PPP6R3: variants seen among roughly 807,000 people sequenced by gnomAD.
PPP6R3 encodes serine/threonine-protein phosphatase 6 regulatory subunit 3.
A neutral mutation model predicts 110.7 loss-of-function variants in PPP6R3; 38 were observed. That is an observed-to-expected ratio of 0.34 (90% CI 0.26 to 0.45). The LOEUF is 0.45. Among genes scored for constraint, PPP6R3 ranks in the 20% least tolerant of loss-of-function variants. The pLI is 1.00. For missense variants in PPP6R3, 870 were observed against 1,062.4 expected (o/e 0.82, Z 2.52); for synonymous variants, 369 against 373.5 (o/e 0.99, Z 0.14).
chr11:68,558,662 T>A lies in PPP6R3; in HGVS notation c.828T>A (p.Leu276=). The A allele has an allele frequency of 6.2e-7, 1 of 1,610,610 alleles. No individual in the cohort carries two copies. The highest frequency in any genetic ancestry group is 8.5e-7 in the Non-Finnish European group (1 of 1,178,218). ...CAATCCAGATATTGCTGACTTTACT[T>A]GAGACACGACGACCAACGTAAGCTT... ...VSAIQILLTL[L]ETRRPTFEGH... Residue 276 remains leucine (L), a synonymous_variant, in exon 8 of 24, where the codon CTT becomes CTA. Coordinates refer to ENST00000393800, the MANE Select transcript of PPP6R3 (RefSeq NM_001164161.2).
intron 4 of PPP6R3, 70 bp downstream of exon 4, chr11:68,545,094 T>C (rs1022135489): frequency 8.0e-7 from 1 of 1,252,098 alleles, no homozygotes; most frequent in African/African-American, 1.5e-5. Context: ...CCAGTACTTG[T>C]TGCTTTAAGA....
rs1420020965 is a variant in PPP6R3, at chr11:68,610,012, T to C, written c.2559T>C (p.Ser853=). The C allele has an allele frequency of 1.2e-6, 2 of 1,613,850 alleles. No homozygotes were observed. Among genetic ancestry groups the C allele is most frequent in the Non-Finnish European group, 1.7e-6 (2 of 1,179,988 alleles). Residue 853 remains serine (S), a synonymous_variant, in exon 23 of 24, where the codon AGT becomes AGC. Coordinates refer to ENST00000393800, the MANE Select transcript of PPP6R3 (RefSeq NM_001164161.2). ...KCAAPRPPSS[S]PEQRTGQPSA... ...CGGCGCCCAGGCCTCCCAGCAGCAG[T>C]CCCGAGCAGAGGTAACCACCCGCCT... is the stretch of plus-strand genomic sequence containing the variant.
chr11:68,593,944 G>A (rs1190686933), intron 18 of PPP6R3, among the ~76,000 whole-genome samples: 1 of 152,018 alleles, frequency 6.6e-6, no homozygotes, highest in Admixed American at 6.5e-5. Context: ...GCTACAGGGA[G>A]CCAAGATAAA....
intron 1 of PPP6R3, among the ~76,000 whole-genome samples, chr11:68,506,044 CT>C (rs1158794574): frequency 1.3e-5 from 2 of 151,210 alleles, no homozygotes; most frequent in Non-Finnish European, 1.5e-5. Flanking sequence ...AGATTGTTTC[CT>C]TTTTTCCCCC....
In PPP6R3 at chr11:68,542,389, G is replaced by GTTTTTTT. The variant is rs34666175; in HGVS notation, c.228-2433_228-2427dup. ...ATCTTTGGGTGCTTGAGAAGCTGCT[G>GTTTTTTT]TTTTTTTTTTTTTTTTTTTTTTAAG... On this transcript the variant is annotated intron_variant, in intron 3 of 23. Transcript: ENST00000393800. 4.6e-3 allele frequency among the ~76,000 whole-genome samples: 185 copies of GTTTTTTT among 40,072 alleles called. 41 individuals carry two copies. The highest frequency in any genetic ancestry group is 7.2e-3 in the African/African-American group (69 of 9,628). The allele number at this position is 40,072 out of a possible 152,430, so 26.3% of individuals were successfully genotyped here. A position where few individuals can be genotyped will look rare whatever the true frequency, so the allele number is the denominator to read the frequency against.
chr11:68,502,781 G>C (rs759538444), intron 1 of PPP6R3, among the ~76,000 whole-genome samples: 12 of 152,184 alleles, frequency 7.9e-5, no homozygotes, highest in Non-Finnish European at 1.6e-4. Context: ...TGGGCAGCTT[G>C]TGATGGAGAG....
chr11:68,577,576 A>G (rs2099536758), intron 14 of PPP6R3, among the ~76,000 whole-genome samples: 1 of 152,354 alleles, frequency 6.6e-6, no homozygotes, highest in South Asian at 2.1e-4. Flanking sequence ...TAACTCAAGC[A>G]TATTTCTTTT....
At chr11:68,600,732 T>C (rs934960469) in intron 20 of PPP6R3, among the ~76,000 whole-genome samples, 1 of 152,168 alleles carries the variant, frequency 6.6e-6, no homozygotes, top group Non-Finnish European at 1.5e-5. Flanking sequence ...ACAAAGTAGC[T>C]TGTGAGGATG....
At chr11:68,466,787 T>TG (rs1478913999) in intron 1 of PPP6R3, among the ~76,000 whole-genome samples, 2 of 152,246 alleles carry the variant, frequency 1.3e-5, no homozygotes, top group African/African-American at 2.4e-5. Context: ...TAATTTTTTT[T>TG]GTATTTTTAT....
chr11:68,553,677 A>G (rs2099389500), intron 6 of PPP6R3, among the ~76,000 whole-genome samples: 1 of 152,018 alleles, frequency 6.6e-6, no homozygotes, highest in African/African-American at 2.4e-5. Flanking sequence ...CACGTTGAGT[A>G]TCCCTTATCT....
chr11:68,493,428 C>A (rs1295133860), intron 1 of PPP6R3, among the ~76,000 whole-genome samples: 1 of 151,522 alleles, frequency 6.6e-6, no homozygotes, highest in African/African-American at 2.4e-5. Context: ...AAGGTGCTGC[C>A]ATTTTTAATT....
intron 1 of PPP6R3, among the ~76,000 whole-genome samples, chr11:68,518,421 G>C (rs192586673): frequency 6.6e-6 from 1 of 152,280 alleles, no homozygotes; most frequent in Non-Finnish European, 1.5e-5. Flanking sequence ...ACGTTGAACT[G>C]TTTCAGATGA....
At chr11:68,557,492 ATTTCTTTTTCT>A (rs112083114) in intron 7 of PPP6R3, among the ~76,000 whole-genome samples, 1,644 of 152,038 alleles carry the variant, frequency 0.011, 14 homozygotes, top group African/African-American at 0.012. Context: ...GGGAGATTCC[ATTTCTTTTTCT>A]TTTCTTTTTC....
intron 12 of PPP6R3, among the ~76,000 whole-genome samples, chr11:68,571,548 T>C (rs527855822): frequency 2.6e-5 from 4 of 152,362 alleles, no homozygotes; most frequent in Non-Finnish European, 2.9e-5. Flanking sequence ...CTCAGTGTTT[T>C]CTTTTTAGAA....
chr11:68,534,062 A>G (rs1315271044), intron 2 of PPP6R3, among the ~76,000 whole-genome samples: 5 of 152,178 alleles, frequency 3.3e-5, no homozygotes, highest in Admixed American at 6.6e-5. Context: ...GTGAAGGACC[A>G]TGGGAGGTTT....
Position 68,588,027 on chromosome 11 carries a change from G to C in PPP6R3, c.1730+3G>C. ...GCAGATCAAGATGACATTGGCAAGT[G>C]AGTATGTTTTTCTGTTTCCGCTGTT... On this transcript the variant is annotated splice_donor_region_variant and intron_variant, in intron 16 of 23. Transcript: ENST00000393800. 1 of 1,611,922 alleles carries C rather than the reference G, an allele frequency of 6.2e-7. No homozygotes were observed. The highest frequency in any genetic ancestry group is 8.5e-7 in the Non-Finnish European group (1 of 1,177,974).
intron 1 of PPP6R3, among the ~76,000 whole-genome samples, chr11:68,481,174 C>G (rs1203285087): frequency 6.6e-6 from 1 of 152,126 alleles, no homozygotes; most frequent in Non-Finnish European, 1.5e-5. Context: ...AAAAGCCTTA[C>G]TTTGACCAAT....
At chr11:68,511,670 G>A (rs747622438) in intron 1 of PPP6R3, among the ~76,000 whole-genome samples, 8 of 151,548 alleles carry the variant, frequency 5.3e-5, no homozygotes, top group African/African-American at 1.7e-4. Context: ...TAGCAGAGAC[G>A]GGGTTTCGCC....
intron 7 of PPP6R3, among the ~76,000 whole-genome samples, chr11:68,555,138 G>A (rs1016081782): frequency 6.6e-6 from 1 of 152,170 alleles, no homozygotes; most frequent in Non-Finnish European, 1.5e-5. Flanking sequence ...TGTAGAATAC[G>A]AAGGGGTTGA....
Sources: allele counts gnomAD v4.1 joint callset (sites outside exome capture counted in the v4.1 genomes callset), GRCh38; gene constraint gnomAD v4.1.1; transcripts MANE v1.5; gene names NCBI Gene and HGNC (gene_info 2026-07-23, HGNC 2026-07-21).